CCDC3: variants seen among roughly 807,000 people sequenced by gnomAD.
CCDC3 encodes the protein coiled-coil domain containing 3, also known as coiled-coil domain-containing protein 3.
In CCDC3, 24 loss-of-function variants were observed where a neutral mutation model predicts 21.4. The ratio of observed to expected loss-of-function variants is 1.12; its 90% CI spans 0.81 to 1.58. The LOEUF is 1.58. Among genes scored for constraint, CCDC3 ranks in the 40% most tolerant of loss-of-function variants. The pLI is 0.00. For synonymous variants in CCDC3, 186 were observed against 166.0 expected, an observed-to-expected ratio of 1.12 and a Z score of -0.93; for missense variants, 425 against 360.9, an observed-to-expected ratio of 1.18 and a Z score of -1.44.
chr10:12,996,741 G>C (rs372554368), intron 2 of CCDC3, among the ~76,000 whole-genome samples: 1 of 152,118 alleles, frequency 6.6e-6, no homozygotes, highest in East Asian at 1.9e-4. Context: ...AGCTCCCTTT[G>C]AATCTCCCTT....
At chr10:12,929,715 A>C (rs1834609248) in intron 2 of CCDC3, among the ~76,000 whole-genome samples, 1 of 152,186 alleles carries the variant, frequency 6.6e-6, no homozygotes, top group African/African-American at 2.4e-5. Flanking sequence ...AGCCGAGCCC[A>C]TTGAAGACAA....
intron 2 of CCDC3, among the ~76,000 whole-genome samples, chr10:12,997,000 T>C (rs1463288276): frequency 2.6e-5 from 4 of 151,902 alleles, no homozygotes; most frequent in Admixed American, 6.6e-5. Flanking sequence ...TGCGAAACGA[T>C]TGGTATACCA....
intron 5 of CCDC3, among the ~76,000 whole-genome samples, chr10:13,020,806 C>T (rs936059299): frequency 1.3e-5 from 2 of 151,872 alleles, no homozygotes; most frequent in African/African-American, 4.8e-5. Context: ...CAAGAATAGC[C>T]AAGAGATTCA....
At chr10:12,914,507 G>A (rs949324075) in intron 2 of CCDC3, among the ~76,000 whole-genome samples, 4 of 151,958 alleles carry the variant, frequency 2.6e-5, no homozygotes, top group Admixed American at 1.3e-4. Context: ...GTGCAGTGGC[G>A]TGTCCTTGGC....
intron 5 of CCDC3, among the ~76,000 whole-genome samples, chr10:13,025,982 A>C (rs931749133): frequency 6.6e-6 from 1 of 152,144 alleles, no homozygotes; most frequent in Non-Finnish European, 1.5e-5. Context: ...GGAGTTCAAG[A>C]CCAGCCTGGC....
intron 2 of CCDC3, among the ~76,000 whole-genome samples, chr10:12,965,771 G>A (rs909591883): frequency 6.6e-6 from 1 of 152,154 alleles, no homozygotes; most frequent in African/African-American, 2.4e-5. Flanking sequence ...CTGTCTATAA[G>A]GAGACATCAT....
chr10:13,047,288 A>C (rs1029701578), intron 5 of CCDC3, among the ~76,000 whole-genome samples: 1 of 152,190 alleles, frequency 6.6e-6, no homozygotes, highest in African/African-American at 2.4e-5. Flanking sequence ...ATGGGTTTGA[A>C]AAGTCCCCAT....
intron 3 of CCDC3, among the ~76,000 whole-genome samples, chr10:13,093,258 CA>C (rs1832597387): frequency 6.6e-6 from 1 of 152,126 alleles, no homozygotes; most frequent in Non-Finnish European, 1.5e-5. Flanking sequence ...TACATGGCGG[CA>C]GGCAAGAGAG....
chr10:13,035,132 G>A (rs566899383), intron 5 of CCDC3, among the ~76,000 whole-genome samples: 1 of 152,234 alleles, frequency 6.6e-6, no homozygotes, highest in Non-Finnish European at 1.5e-5. Flanking sequence ...TACCCAGGTA[G>A]AGAACACTGA....
At chr10:12,978,139 C>T (rs955380023) in intron 2 of CCDC3, among the ~76,000 whole-genome samples, 2 of 152,162 alleles carry the variant, frequency 1.3e-5, no homozygotes, top group Non-Finnish European at 2.9e-5. Flanking sequence ...CTGCCTTAGC[C>T]TCCCAAGTAG....
chr10:12,977,144 G>A (rs1215434437), intron 2 of CCDC3, among the ~76,000 whole-genome samples: 2 of 152,228 alleles, frequency 1.3e-5, no homozygotes, highest in East Asian at 1.9e-4. Flanking sequence ...GCATGGTGGC[G>A]AGTGCCTGTA....
chr10:13,001,211 A>G lies in CCDC3; in HGVS notation c.360T>C (p.Tyr120=), dbSNP rs1456933811. Residue 120 remains tyrosine (Y), a synonymous_variant, in exon 1 of 3, where the codon TAT becomes TAC. Coordinates refer to ENST00000378825, the MANE Select transcript of CCDC3 (RefSeq NM_031455.4). Reference sequence around the variant, plus strand: ...GCCGGGCTCACCTGAGGAAGAAGAAATAGGAGTAGTCCTGGACCACGGTGT... The same window carrying G: ...GCCGGGCTCACCTGAGGAAGAAGAAGTAGGAGTAGTCCTGGACCACGGTGT... ...HSHTVVQDYS[Y]FFFLRMDENY... is the part of the protein sequence containing the mutation. 3 of 1,558,890 alleles carry G rather than the reference A, an allele frequency of 1.9e-6. No homozygotes were observed. The highest frequency in any genetic ancestry group is 4.8e-5 in the East Asian group (2 of 41,708).
intron 5 of CCDC3, among the ~76,000 whole-genome samples, chr10:13,029,622 C>T (rs1836272047): frequency 6.6e-6 from 1 of 152,116 alleles, no homozygotes. Flanking sequence ...TTAACTAGAA[C>T]AAACAGCATA....
chr10:13,078,076 T>G (rs1169126309), intron 3 of CCDC3, among the ~76,000 whole-genome samples: 1 of 152,182 alleles, frequency 6.6e-6, no homozygotes, highest in Non-Finnish European at 1.5e-5. Context: ...ACAGGCAACC[T>G]ACAGAATGGA....
At chr10:12,900,198 C>G (rs2131192530) in intron 2 of CCDC3, among the ~76,000 whole-genome samples, 1 of 152,250 alleles carries the variant, frequency 6.6e-6, no homozygotes, top group Non-Finnish European at 1.5e-5. Context: ...TCAGGTATGT[C>G]TTTATTAGCA....
intron 2 of CCDC3, among the ~76,000 whole-genome samples, chr10:12,968,165 C>T (rs11595782): frequency 0.097 from 11,711 of 120,182 alleles, 640 homozygotes; most frequent in African/African-American, 0.17. Flanking sequence ...CGAGACTTCA[C>T]CTCAGAAAAA....
In CCDC3 at chr10:13,040,667, G is replaced by A. The variant is rs376143556; in HGVS notation, c.-2+9007C>T. Among the ~76,000 whole-genome samples the A allele has an allele frequency of 2.7e-5, 4 of 146,184 alleles. No individual in the cohort carries two copies. In the East Asian group the frequency reaches 8.2e-4, roughly 30 times the overall value. On this transcript the variant is annotated intron_variant, in intron 5 of 6. Transcript: ENST00000378839. ...ACTATGCCACTGCACTGTAGCCTGG[G>A]CAACAAGAGCAAAACTCTGTCACAC...
At chr10:12,935,263 G>T (rs541231999) in intron 2 of CCDC3, among the ~76,000 whole-genome samples, 3 of 152,154 alleles carry the variant, frequency 2.0e-5, no homozygotes, top group African/African-American at 7.2e-5. Flanking sequence ...CTGTCACCCA[G>T]GCTGGAGTGC....
intron 2 of CCDC3, among the ~76,000 whole-genome samples, chr10:12,975,495 T>C (rs1225483246): frequency 6.6e-6 from 1 of 152,106 alleles, no homozygotes; most frequent in East Asian, 1.9e-4. Context: ...CCCCTGGCTG[T>C]TTGTCAATGA....
Sources: allele counts gnomAD v4.1 joint callset (sites outside exome capture counted in the v4.1 genomes callset), GRCh38; gene constraint gnomAD v4.1.1; transcripts MANE v1.5; gene names NCBI Gene and HGNC (gene_info 2026-07-23, HGNC 2026-07-21).